CLSTN2: variants seen among roughly 807,000 people sequenced by gnomAD.
CLSTN2 encodes calsyntenin-2.
A neutral mutation model predicts 101.2 loss-of-function variants in CLSTN2; 48 were observed. That is an observed-to-expected ratio of 0.47 (90% CI 0.38 to 0.60). The LOEUF (loss-of-function observed/expected upper bound fraction) is 0.60, where lower values mean the gene tolerates loss of function less well. CLSTN2 is among the 20% of genes least tolerant of loss of function. The pLI is 0.00. For synonymous variants in CLSTN2, 481 were observed against 463.6 expected, an observed-to-expected ratio of 1.04 and a Z score of -0.48; for missense variants, 1,160 against 1,238.2, an observed-to-expected ratio of 0.94 and a Z score of 0.95.
intron 8 of CLSTN2, among the ~76,000 whole-genome samples, chr3:140,497,357 G>A (rs1467770712): frequency 6.6e-6 from 1 of 152,180 alleles, no homozygotes; most frequent in Non-Finnish European, 1.5e-5. Flanking sequence ...GCCCAGTCAG[G>A]AGGGATGGAT....
intron 4 of CLSTN2, among the ~76,000 whole-genome samples, chr3:140,420,221 A>C (rs2088485369): frequency 6.6e-6 from 1 of 151,536 alleles, no homozygotes; most frequent in Non-Finnish European, 1.5e-5. Context: ...TTTTAATTTC[A>C]GTTTTTAAAA....
At chr3:140,079,670 G>T (rs1456943516) in intron 1 of CLSTN2, among the ~76,000 whole-genome samples, 1 of 151,394 alleles carries the variant, frequency 6.6e-6, no homozygotes, top group Non-Finnish European at 1.5e-5. Context: ...AGAATCGCTT[G>T]AACCCGGGAG....
At chr3:140,150,660 A>G (rs1362790635) in intron 1 of CLSTN2, among the ~76,000 whole-genome samples, 1 of 152,176 alleles carries the variant, frequency 6.6e-6, no homozygotes, top group Non-Finnish European at 1.5e-5. Context: ...AGGGCCATTC[A>G]AACTCTAGAG....
chr3:140,423,342 C>T (rs960597686), intron 5 of CLSTN2, among the ~76,000 whole-genome samples: 1 of 152,168 alleles, frequency 6.6e-6, no homozygotes, highest in Non-Finnish European at 1.5e-5. Context: ...TATTATGTCT[C>T]CAGTGCCCAG....
chr3:139,970,172 A>C (rs1321557330), intron 1 of CLSTN2, among the ~76,000 whole-genome samples: 2 of 152,162 alleles, frequency 1.3e-5, no homozygotes, highest in African/African-American at 4.8e-5. Context: ...AATTTTTAAA[A>C]GCTGCTCAGA....
In CLSTN2 at chr3:139,971,669, G is replaced by C. The variant is rs1279903794; in HGVS notation, c.109+36186G>C. Reference sequence around the variant, plus strand: ...AATTTAGCATTTCATTCATGAGCAGGAAGGTACCTTGAATTCTGAACCCAC... The same window carrying C: ...AATTTAGCATTTCATTCATGAGCAGCAAGGTACCTTGAATTCTGAACCCAC... On this transcript the variant is annotated intron_variant, in intron 1 of 16. Coordinates refer to ENST00000458420, the MANE Select transcript of CLSTN2 (RefSeq NM_022131.3). Among the ~76,000 whole-genome samples, 4 of 152,214 alleles carry C rather than the reference G, an allele frequency of 2.6e-5. No individual in the cohort carries two copies. In the East Asian group the frequency reaches 7.7e-4, roughly 29 times the overall value.
At chr3:139,971,004 C>T (rs991719697) in intron 1 of CLSTN2, among the ~76,000 whole-genome samples, 2 of 152,058 alleles carry the variant, frequency 1.3e-5, no homozygotes, top group African/African-American at 2.4e-5. Context: ...TGACTTTTTG[C>T]CTTGAGGAAA....
chr3:140,459,673 A>G lies in CLSTN2; in HGVS notation c.1126A>G (p.Thr376Ala), dbSNP rs200225333. 1 of 1,614,092 alleles carries G rather than the reference A, an allele frequency of 6.2e-7. No individual in the cohort carries two copies. The highest frequency in any genetic ancestry group is 2.2e-5 in the East Asian group (1 of 44,856). The change falls in exon 7 of 17, where the codon ACC becomes GCC. Residue 376 changes from threonine (T) to alanine (A), a missense_variant. Thr to Ala is a moderately conservative substitution (Grantham distance 58, BLOSUM62 0). Transcript: ENST00000458420. ...VPDGIVPKNL[T>A]DQFTITMWMK... ...CGATGGGATTGTGCCCAAGAACCTG[A>G]CCGATCAGTTCACCATCACCATGTG...
chr3:140,136,545 G>A (rs1456510053), intron 1 of CLSTN2, among the ~76,000 whole-genome samples: 1 of 152,182 alleles, frequency 6.6e-6, no homozygotes, highest in Non-Finnish European at 1.5e-5. Flanking sequence ...TTTAATCCAG[G>A]TGGATACTTG....
At position 140,562,156 on chromosome 3, in the gene CLSTN2, T is replaced by C. The variant is rs1055558334; in HGVS notation, c.2060T>C (p.Leu687Ser). The C allele has an allele frequency of 6.2e-7, 1 of 1,614,006 alleles. No individual in the cohort carries two copies. The highest frequency in any genetic ancestry group is 1.1e-5 in the South Asian group (1 of 91,058). Reference sequence around the variant, plus strand: ...CCTACAGACCCCAAATCAGAAGTCTTAGAGGAAATGCTTCATAACTTAGAT... The same window carrying C: ...CCTACAGACCCCAAATCAGAAGTCTCAGAGGAAATGCTTCATAACTTAGAT... Reference protein sequence around the residue: ...VKTTDPKSEVLEEMLHNLDFC... With the variant: ...VKTTDPKSEVSEEMLHNLDFC... Residue 687 changes from leucine to serine, a missense_variant, in exon 13 of 17, where the codon TTA becomes TCA. Transcript: ENST00000458420.
intron 5 of CLSTN2, among the ~76,000 whole-genome samples, chr3:140,439,512 A>G (rs537929757): frequency 6.6e-6 from 1 of 152,388 alleles, no homozygotes; most frequent in African/African-American, 2.4e-5. Flanking sequence ...ACTGGAAAGA[A>G]CATCGTGAGC....
chr3:140,236,736 T>C (rs2086420490), intron 2 of CLSTN2, among the ~76,000 whole-genome samples: 1 of 152,044 alleles, frequency 6.6e-6, no homozygotes, highest in African/African-American at 2.4e-5. Context: ...CTTTCTCCTA[T>C]GGTGTCTAAT....
chr3:140,499,058 C>T (rs963133865), intron 8 of CLSTN2, among the ~76,000 whole-genome samples: 6 of 151,954 alleles, frequency 3.9e-5, no homozygotes, highest in Non-Finnish European at 5.9e-5. Context: ...AGTGCACTGG[C>T]TGGTTTGCCT....
intron 1 of CLSTN2, among the ~76,000 whole-genome samples, chr3:140,039,343 A>G (rs560627090): frequency 3.9e-5 from 6 of 152,294 alleles, no homozygotes; most frequent in Middle Eastern, 3.4e-3. Context: ...AAAAACAGCA[A>G]TCACTTTAGT....
At chr3:140,347,116 C>T (rs188973770) in intron 2 of CLSTN2, among the ~76,000 whole-genome samples, 4 of 152,326 alleles carry the variant, frequency 2.6e-5, no homozygotes, top group Admixed American at 1.3e-4. Flanking sequence ...GAGAGTCATA[C>T]ACACATTTTG....
chr3:139,978,421 T>G (rs1185413968), intron 1 of CLSTN2, among the ~76,000 whole-genome samples: 1 of 152,184 alleles, frequency 6.6e-6, no homozygotes, highest in Non-Finnish European at 1.5e-5. Flanking sequence ...TTGCTTAGTC[T>G]TATTATTGTT....
intron 1 of CLSTN2, among the ~76,000 whole-genome samples, chr3:140,163,395 C>G (rs780712864): frequency 4.0e-5 from 6 of 148,836 alleles, no homozygotes; most frequent in East Asian, 1.9e-4. Context: ...ATGCATGAAT[C>G]AATTCTTTAA....
chr3:140,126,628 G>A (rs1192579796), intron 1 of CLSTN2, among the ~76,000 whole-genome samples: 2 of 152,150 alleles, frequency 1.3e-5, no homozygotes, highest in Non-Finnish European at 2.9e-5. Flanking sequence ...GTGGCATAAA[G>A]GGAGACACAG....
At chr3:140,547,342 C>T (rs1576621638) in intron 10 of CLSTN2, among the ~76,000 whole-genome samples, 1 of 152,066 alleles carries the variant, frequency 6.6e-6, no homozygotes, top group South Asian at 2.1e-4. Flanking sequence ...CACATGGTGG[C>T]GTGCACCTGT....
Sources: gnomAD v4.1 joint callset for allele counts (sites outside exome capture counted in the v4.1 genomes callset) on GRCh38, gnomAD v4.1.1 for gene constraint, MANE v1.5 for transcripts, NCBI Gene and HGNC (gene_info 2026-07-23, HGNC 2026-07-21) for gene names.